FOXJ2: variants seen among roughly 807,000 people sequenced by gnomAD.
The protein encoded by FOXJ2 is forkhead box J2.
FOXJ2 carries 18 observed loss-of-function variants against 68.4 expected under a neutral mutation model. That is an observed-to-expected ratio of 0.26 (90% confidence interval 0.18 to 0.39). FOXJ2 has a LOEUF of 0.39. FOXJ2 is among the 10% of genes least tolerant of loss of function. The pLI is 1.00. For synonymous variants in FOXJ2, 274 were observed against 263.2 expected, an observed-to-expected ratio of 1.04 and a Z score of -0.40; for missense variants, 670 against 726.5, an observed-to-expected ratio of 0.92 and a Z score of 0.89.
rs1212789950 is a variant in FOXJ2, at chr12:8,040,456, C to T, written c.333+291C>T. Among the ~76,000 whole-genome samples the T allele has an allele frequency of 6.6e-6, 1 of 151,646 alleles. No homozygotes were observed. Among genetic ancestry groups the T allele is most frequent in the Non-Finnish European group, 1.5e-5 (1 of 67,966 alleles). On this transcript the variant is annotated intron_variant, in intron 2 of 10. Transcript: ENST00000162391. The surrounding 1 kb of genome is among the most constrained non-coding windows in gnomAD (Gnocchi z 4.0). Reference sequence around the variant, plus strand: ...TTTTTTTTTGAGACAGAGTCTCGTACTGTCGCCTGGGCTGGGGTGCAATGG... The same window carrying T: ...TTTTTTTTTGAGACAGAGTCTCGTATTGTCGCCTGGGCTGGGGTGCAATGG...
intron 7 of FOXJ2, among the ~76,000 whole-genome samples, 184 bp from the exon 8 acceptor site, chr12:8,048,513 T>A (rs1053902332): frequency 1.3e-5 from 2 of 152,270 alleles, no homozygotes; most frequent in African/African-American, 4.8e-5. Flanking sequence ...TGAGCCTGGC[T>A]GTACTTAAAG....
Position 8,048,075 on chromosome 12 carries a change from C to T in FOXJ2, c.1011C>T (p.His337=), listed in dbSNP as rs1417031649. ...PSAVGGAPPL[H]TPSTDGCTPP... ...CTGTAGGGGGTGCTCCTCCACTGCA[C>T]ACCCCAAGCACAGATGGTTGTACCC... is the stretch of plus-strand genomic sequence containing the variant. Residue 337 remains histidine, a synonymous_variant, in exon 7 of 11, where the codon CAC becomes CAT. Transcript: ENST00000162391. 1.4e-5 allele frequency: 23 copies of T among 1,611,100 alleles called. No individual in the cohort carries two copies. The highest frequency in any genetic ancestry group is 2.0e-5 in the Non-Finnish European group (23 of 1,178,064).
intron 3 of FOXJ2, among the ~76,000 whole-genome samples, chr12:8,043,185 C>G (rs777115521): frequency 3.7e-5 from 5 of 135,190 alleles, no homozygotes; most frequent in African/African-American, 1.1e-4. Flanking sequence ...CCATTGCACT[C>G]CAGCCTGGGC....
chr12:8,044,366 C>G (rs112003830), intron 5 of FOXJ2, among the ~76,000 whole-genome samples: 11 of 152,190 alleles, frequency 7.2e-5, no homozygotes, highest in African/African-American at 2.2e-4. Flanking sequence ...CGTGAGTCCA[C>G]GAGCTTGAGA....
rs1429676759 is a variant in FOXJ2, at chr12:8,045,042, T to TTTTTA, written c.817+89_817+93dup. On this transcript the variant is annotated intron_variant, in intron 6 of 10. Coordinates refer to ENST00000162391, the MANE Select transcript of FOXJ2 (RefSeq NM_018416.3). ...GTGACATTTTCTTTTTTCCCTTAGT[T>TTTTTA]TTTTATTTTTATTTTTTGTGAGACA... The TTTTTA allele has an allele frequency of 8.9e-6, 12 of 1,341,180 alleles. No homozygotes were observed. In the East Asian group the frequency reaches 2.3e-4, roughly 26 times the overall value. 83.1% of individuals were successfully genotyped at this position (1,341,180 alleles called of 1,614,324 possible).
chr12:8,047,754 C>A, intron 6 of FOXJ2, 128 bp from the exon 7 acceptor site: 1 of 1,258,530 alleles, frequency 7.9e-7, no homozygotes, highest in Non-Finnish European at 1.1e-6. Flanking sequence ...TCTTTGCTGC[C>A]CTAGAATGTT....
rs207472641 is a variant in FOXJ2, at chr12:8,039,824, A to G, written c.-9A>G. The G allele has an allele frequency of 6.2e-7, 1 of 1,607,864 alleles. No homozygotes were observed. Among genetic ancestry groups the G allele is most frequent in the African/African-American group, 1.3e-5 (1 of 74,828 alleles). ...CCTCTTTGTCTTCTCTGCAGAACCC[A>G]GAAGTACCATGGCTTCTGACCTAGA... On this transcript the variant is annotated 5_prime_UTR_variant, in exon 2 of 11. Coordinates refer to ENST00000162391, the MANE Select transcript of FOXJ2 (RefSeq NM_018416.3).
chr12:8,042,906 T>C (rs987452894), intron 3 of FOXJ2, among the ~76,000 whole-genome samples, 174 bp downstream of exon 3: 4 of 152,038 alleles, frequency 2.6e-5, no homozygotes, highest in African/African-American at 9.7e-5. Flanking sequence ...GGGCCCCCAG[T>C]AGAATGGGTG....
chr12:8,048,165 A>AC lies in FOXJ2; in HGVS notation c.1106dup (p.Leu370AlafsTer44). On this transcript the variant is annotated frameshift_variant, in exon 7 of 11. Coordinates refer to ENST00000162391, the MANE Select transcript of FOXJ2 (RefSeq NM_018416.3). LOFTEE classifies it high-confidence loss of function. ...CTCCCCCTGTAATGGCCATGCATCCACCCCCGCTGCAGCATGGAGGCTACC... is the reference window on the plus strand; with the variant it reads ...CTCCCCCTGTAATGGCCATGCATCCACCCCCCGCTGCAGCATGGAGGCTACC... 6.2e-7 allele frequency: 1 copy of AC among 1,613,274 alleles called. No homozygotes were observed. Among genetic ancestry groups the AC allele is most frequent in the East Asian group, 2.2e-5 (1 of 44,842 alleles).
At position 8,043,724 on chromosome 12, in the gene FOXJ2, C is replaced by T. The variant is rs751480646; in HGVS notation, c.432C>T (p.Thr144=). ...PGKGSYWTID[T]CPDISRKRRH... The stretch of plus-strand genomic sequence containing the variant: ...AGGGTTCCTATTGGACAATTGACAC[C>T]TGCCCTGACATTTCCCGAAAGAGAA... The change falls in exon 4 of 11, where the codon ACC becomes ACT. Residue 144 remains threonine (T), a synonymous_variant. Transcript: ENST00000162391. 3 of 1,614,190 alleles carry T rather than the reference C, an allele frequency of 1.9e-6. No individual in the cohort carries two copies. Among genetic ancestry groups the T allele is most frequent in the Middle Eastern group, 1.6e-4 (1 of 6,062 alleles).
chr12:8,033,166 G>T lies in FOXJ2; in HGVS notation c.-682G>T, dbSNP rs1946857084. On this transcript the variant is annotated 5_prime_UTR_variant, in exon 1 of 11. Transcript: ENST00000162391. ...GGGAGGAGACCCCCAGAAGTGGAAA[G>T]AAGGGAGCTTTCCGTAGGGAAGCAG... 2 of 316,642 alleles carry T rather than the reference G, an allele frequency of 6.3e-6. No individual in the cohort carries two copies. Among genetic ancestry groups the T allele is most frequent in the East Asian group, 9.8e-5 (2 of 20,436 alleles). 19.6% of individuals were successfully genotyped at this position (316,642 alleles called of 1,614,324 possible).
rs1367691291 is a variant in FOXJ2, at chr12:8,048,211, C to T, written c.1147C>T (p.His383Tyr). 1.9e-6 allele frequency: 3 copies of T among 1,610,252 alleles called. No homozygotes were observed. The highest frequency in any genetic ancestry group is 2.5e-6 in the Non-Finnish European group (3 of 1,177,974). ...GGYHPHQHHP[H>Y]SHPAQQPPPP... The stretch of plus-strand genomic sequence containing the variant: ...CTACCACCCTCATCAGCACCATCCC[C>T]ACTCCCACCCTGCCCAGCAGCCACC... The change falls in exon 7 of 11, where the codon CAC becomes TAC. Residue 383 changes from histidine (H) to tyrosine (Y), a missense_variant. By Grantham distance (83) the His-to-Tyr change is moderately conservative. Around this residue, in one of 2 missense-constraint regions of FOXJ2, gnomAD observed 555 missense variants for 562.2 expected, o/e 0.99. Coordinates refer to ENST00000162391, the MANE Select transcript of FOXJ2 (RefSeq NM_018416.3).
intron 9 of FOXJ2, 29 bp from the exon 10 acceptor site, chr12:8,050,493 C>T (rs1245881834): frequency 1.2e-6 from 2 of 1,601,712 alleles, no homozygotes. Context: ...CCCCCCCCAA[C>T]TCAAGTAACT....
chr12:8,037,107 C>CAAAACA (rs1184119772), intron 1 of FOXJ2, among the ~76,000 whole-genome samples: 2 of 151,994 alleles, frequency 1.3e-5, no homozygotes, highest in Non-Finnish European at 2.9e-5. Context: ...CAAAACAAAA[C>CAAAACA]AAAACAAAAA....
chr12:8,048,378 G>A, intron 7 of FOXJ2, 89 bp downstream of exon 7: 1 of 1,494,262 alleles, frequency 6.7e-7, no homozygotes, highest in Non-Finnish European at 8.9e-7. Context: ...TAGTTAGGAA[G>A]TTAATGATGG....
At chr12:8,047,845 T>G (rs1947058484) in intron 6 of FOXJ2, 37 bp from the exon 7 acceptor site, 1 of 1,531,026 alleles carries the variant, frequency 6.5e-7, no homozygotes, top group African/African-American at 1.4e-5. Context: ...AAAAATGCAT[T>G]GCTTAAGTCA....
At chr12:8,037,748 C>T (rs1946916541) in intron 1 of FOXJ2, among the ~76,000 whole-genome samples, 2 of 152,200 alleles carry the variant, frequency 1.3e-5, no homozygotes, top group Admixed American at 1.3e-4. Context: ...GAAACCTGCT[C>T]ATTGGCATGC....
At chr12:8,048,836 T>C (rs763366201) in intron 8 of FOXJ2, 38 bp downstream of exon 8, 10 of 1,562,866 alleles carry the variant, frequency 6.4e-6, no homozygotes, top group Middle Eastern at 1.7e-4. Flanking sequence ...AGGGATACAC[T>C]GTAAGGGAAA....
chr12:8,038,819 A>G lies in FOXJ2; in HGVS notation c.-14-1000A>G, dbSNP rs1946929033. Among the ~76,000 whole-genome samples the G allele has an allele frequency of 6.6e-6, 1 of 152,158 alleles. No individual in the cohort carries two copies. Among genetic ancestry groups the G allele is most frequent in the African/African-American group, 2.4e-5 (1 of 41,410 alleles). ...CGGTCTGGCAGCTCCAGGAGTTTGC[A>G]TGGAGGTGCAGCGAGCGTGCCTGCC... On this transcript the variant is annotated intron_variant, in intron 1 of 10. Transcript: ENST00000162391. This position sits in a 1 kb window ranked among gnomAD's most constrained non-coding sequence, Gnocchi z 5.3.
Sources: allele counts gnomAD v4.1 joint callset (sites outside exome capture counted in the v4.1 genomes callset), GRCh38; gene constraint gnomAD v4.1.1; regional missense constraint gnomAD v4.1.1; non-coding constraint Gnocchi (gnomAD v3.1); transcripts MANE v1.5; gene names NCBI Gene and HGNC (gene_info 2026-07-23, HGNC 2026-07-21).